Variants in SLC39A11 observed in about 807,000 individuals in gnomAD.
SLC39A11 encodes the protein solute carrier family 39 member 11.
Under a neutral mutation model 36.1 loss-of-function variants are expected in SLC39A11, and 33 were observed. The observed-to-expected ratio is 0.91, with a 90% confidence interval of 0.69 to 1.22. The LOEUF (loss-of-function observed/expected upper bound fraction) is 1.22. Ranked by LOEUF, SLC39A11 falls within the 50% of genes most tolerant of loss-of-function variation. The pLI is 0.00. For missense variants in SLC39A11, 432 were observed against 430.3 expected (o/e 1.00, Z -0.03); for synonymous variants, 166 against 170.3 (o/e 0.97, Z 0.20).
At chr17:72,932,219 GC>G (rs1265944022) in intron 5 of SLC39A11, among the ~76,000 whole-genome samples, 6 of 151,972 alleles carry the variant, frequency 3.9e-5, no homozygotes, top group African/African-American at 1.4e-4. Flanking sequence ...CCACTAAGGA[GC>G]TGAGTCAGAA....
intron 4 of SLC39A11, among the ~76,000 whole-genome samples, chr17:72,964,300 T>A (rs1448090253): frequency 6.6e-6 from 1 of 152,250 alleles, no homozygotes; most frequent in Admixed American, 6.5e-5. Context: ...ACAGGGCTAA[T>A]GAAGCCACAT....
intron 5 of SLC39A11, among the ~76,000 whole-genome samples, chr17:72,915,147 G>A (rs2083261236): frequency 6.6e-6 from 1 of 152,130 alleles, no homozygotes; most frequent in Non-Finnish European, 1.5e-5. Context: ...GACCCAGGGG[G>A]AGACTGCCTG....
chr17:72,831,799 T>C (rs1471818716), intron 6 of SLC39A11, among the ~76,000 whole-genome samples: 2 of 152,226 alleles, frequency 1.3e-5, no homozygotes, highest in Non-Finnish European at 2.9e-5. Flanking sequence ...TCCGAATTCA[T>C]TTTTGAGCCC....
Position 73,047,136 on chromosome 17 carries a change from C to A in SLC39A11, c.148-15422G>T, listed in dbSNP as rs528678035. On this transcript the variant is annotated intron_variant, in intron 3 of 9. Transcript: ENST00000255559. ...ACCTCCCAGGTTCACACCATTCTCCCGCCTCAGCCTCCCGAGTAGCTGGGA... is the reference window on the plus strand; with the variant it reads ...ACCTCCCAGGTTCACACCATTCTCCAGCCTCAGCCTCCCGAGTAGCTGGGA... Among the ~76,000 whole-genome samples the A allele has an allele frequency of 4.0e-5, 6 of 151,872 alleles. No homozygotes were observed. In the South Asian group the frequency reaches 1.2e-3, roughly 32 times the overall value.
chr17:72,872,948 G>A (rs1024317061), intron 5 of SLC39A11, among the ~76,000 whole-genome samples: 5 of 151,748 alleles, frequency 3.3e-5, no homozygotes, highest in South Asian at 4.2e-4. Context: ...CCAGCTACTC[G>A]GAGGCTGAGT....
intron 4 of SLC39A11, among the ~76,000 whole-genome samples, chr17:72,974,592 C>T (rs1273313160): frequency 6.6e-6 from 1 of 152,150 alleles, no homozygotes; most frequent in African/African-American, 2.4e-5. Context: ...AACGTTTTTA[C>T]AAGCTGATAA....
intron 6 of SLC39A11, among the ~76,000 whole-genome samples, chr17:72,838,278 G>C (rs190041117): frequency 6.7e-6 from 1 of 149,748 alleles, no homozygotes; most frequent in Non-Finnish European, 1.5e-5. Context: ...ACCTTGGCTG[G>C]AGTGCAGTGG....
At chr17:72,910,511 C>A (rs1048235227) in intron 5 of SLC39A11, among the ~76,000 whole-genome samples, 86 of 151,334 alleles carry the variant, frequency 5.7e-4, no homozygotes, top group Non-Finnish European at 1.8e-4. Flanking sequence ...ATAATCCCAG[C>A]TACTCAGGAG....
At chr17:72,667,718 A>G (rs1391127625) in intron 7 of SLC39A11, among the ~76,000 whole-genome samples, 1 of 152,228 alleles carries the variant, frequency 6.6e-6, no homozygotes, top group Non-Finnish European at 1.5e-5. Context: ...GGCCAATAGC[A>G]ACCATGGCAG....
At chr17:73,008,886 A>G (rs1420516931) in intron 4 of SLC39A11, among the ~76,000 whole-genome samples, 3 of 151,552 alleles carry the variant, frequency 2.0e-5, no homozygotes, top group Admixed American at 6.6e-5. Context: ...AGATGCTGTC[A>G]CTACAAAAAA....
intron 6 of SLC39A11, among the ~76,000 whole-genome samples, chr17:72,787,243 T>C (rs1433832796): frequency 7.0e-6 from 1 of 143,362 alleles, no homozygotes; most frequent in Non-Finnish European, 1.5e-5. Context: ...TTGACTGCTA[T>C]AACCCATGGC....
At chr17:73,063,321 C>G (rs1391718767) in intron 3 of SLC39A11, among the ~76,000 whole-genome samples, 2 of 152,086 alleles carry the variant, frequency 1.3e-5, no homozygotes, top group Non-Finnish European at 2.9e-5. Flanking sequence ...CAGATTGACC[C>G]CTTATGAAAT....
chr17:72,784,899 G>A (rs1180733273), intron 6 of SLC39A11, among the ~76,000 whole-genome samples: 16 of 141,116 alleles, frequency 1.1e-4, no homozygotes, highest in South Asian at 4.5e-4. Flanking sequence ...TCGCTCTGTC[G>A]CCCAGGCTGG....
intron 7 of SLC39A11, among the ~76,000 whole-genome samples, chr17:72,698,974 G>A (rs1193917253): frequency 6.6e-6 from 1 of 152,116 alleles, no homozygotes; most frequent in East Asian, 1.9e-4. Context: ...GGGACTACAG[G>A]CGCCCGCCAC....
chr17:72,717,510 C>T (rs2073458602), intron 7 of SLC39A11, among the ~76,000 whole-genome samples: 2 of 152,182 alleles, frequency 1.3e-5, no homozygotes, highest in South Asian at 4.1e-4. Flanking sequence ...ACACATGACT[C>T]TAGTCTCTGC....
chr17:72,800,119 C>G (rs1462849547), intron 6 of SLC39A11, among the ~76,000 whole-genome samples: 1 of 151,952 alleles, frequency 6.6e-6, no homozygotes, highest in East Asian at 1.9e-4. Context: ...TCCCCCAATA[C>G]ATGTCTATGT....
intron 6 of SLC39A11, among the ~76,000 whole-genome samples, chr17:72,805,137 C>G (rs962253671): frequency 1.3e-5 from 2 of 152,116 alleles, no homozygotes; most frequent in African/African-American, 4.8e-5. Context: ...TACCGCCCTC[C>G]TGTGTGTGTA....
At chr17:72,857,929 T>A (rs1335198376) in intron 5 of SLC39A11, among the ~76,000 whole-genome samples, 1 of 152,364 alleles carries the variant, frequency 6.6e-6, no homozygotes, top group Middle Eastern at 3.4e-3. Flanking sequence ...GTAGGTTGTC[T>A]GTTTACTCTG....
intron 4 of SLC39A11, among the ~76,000 whole-genome samples, chr17:72,990,704 A>G (rs1274728634): frequency 6.6e-6 from 1 of 152,162 alleles, no homozygotes; most frequent in Non-Finnish European, 1.5e-5. Flanking sequence ...CTGGGATTAC[A>G]GGCGTGAAGA....
Sources: allele counts gnomAD v4.1 joint callset (sites outside exome capture counted in the v4.1 genomes callset), GRCh38; gene constraint gnomAD v4.1.1; transcripts MANE v1.5; gene names NCBI Gene and HGNC (gene_info 2026-07-23, HGNC 2026-07-21).